Variants in RTN4RL1 observed in about 807,000 individuals in gnomAD.
RTN4RL1 encodes reticulon 4 receptor like 1.
In RTN4RL1, 7 loss-of-function variants were observed where a neutral mutation model predicts 25.6. The observed-to-expected ratio is 0.27, with a 90% confidence interval of 0.16 to 0.51. The LOEUF (loss-of-function observed/expected upper bound fraction) is 0.51. RTN4RL1 is among the 20% of genes least tolerant of loss of function. The pLI is 0.97. For missense variants in RTN4RL1, 500 were observed against 615.6 expected, an observed-to-expected ratio of 0.81 and a Z score of 1.99; for synonymous variants, 297 against 288.2, an observed-to-expected ratio of 1.03 and a Z score of -0.31.
At chr17:1,988,490 G>A (rs776109375) in intron 1 of RTN4RL1, among the ~76,000 whole-genome samples, 21 of 137,120 alleles carry the variant, frequency 1.5e-4, no homozygotes, top group Non-Finnish European at 3.3e-4. Context: ...CTGGGGGACA[G>A]AGAGAGACTC....
At position 1,936,630 on chromosome 17, in the gene RTN4RL1, G is replaced by T. The variant is rs1277827590; in HGVS notation, c.1192C>A (p.Pro398Thr). 3.1e-6 allele frequency: 5 copies of T among 1,596,240 alleles called. No individual in the cohort carries two copies. The highest frequency in any genetic ancestry group is 1.8e-5 in the Admixed American group (1 of 56,486). Residue 398 changes from proline to threonine, a missense_variant, in exon 2 of 2, where the codon CCC becomes ACC. Transcript: ENST00000331238. ...FSFDIMPTARPKRKGKCARRT... is the reference protein window; with the variant it reads ...FSFDIMPTARTKRKGKCARRT... ...CGGGCACACTTGCCCTTCCTCTTGG[G>T]CCGGGCCGTAGGCATGATGTCAAAA...
intron 1 of RTN4RL1, among the ~76,000 whole-genome samples, chr17:2,021,291 G>A (rs968845322): frequency 3.3e-5 from 5 of 151,996 alleles, no homozygotes; most frequent in African/African-American, 1.2e-4. Flanking sequence ...CCTCCTCTGG[G>A]GCTTCATACC....
chr17:2,023,945 G>T (rs2067243307), intron 1 of RTN4RL1, among the ~76,000 whole-genome samples: 2 of 152,126 alleles, frequency 1.3e-5, no homozygotes, highest in South Asian at 4.1e-4. Flanking sequence ...TCCCGGCGGG[G>T]CGCCACAGCC....
intron 1 of RTN4RL1, among the ~76,000 whole-genome samples, chr17:1,958,198 A>G (rs1160957504): frequency 6.6e-6 from 1 of 152,174 alleles, no homozygotes; most frequent in Non-Finnish European, 1.5e-5. Flanking sequence ...TCAAAAACAA[A>G]AACAAAAATA....
intron 1 of RTN4RL1, among the ~76,000 whole-genome samples, chr17:1,956,233 GAA>G (rs1915789995): frequency 6.6e-6 from 1 of 152,148 alleles, no homozygotes; most frequent in South Asian, 2.1e-4. Context: ...GGGTGCAGGC[GAA>G]TAGGTAAACA....
intron 1 of RTN4RL1, among the ~76,000 whole-genome samples, chr17:2,009,139 AGTTCTAT>A (rs1474483834): frequency 1.3e-5 from 2 of 152,166 alleles, no homozygotes; most frequent in African/African-American, 4.8e-5. Context: ...CCCAGAACTA[AGTTCTAT>A]GTTGTATGCT....
At chr17:1,976,823 C>G (rs911888264) in intron 1 of RTN4RL1, among the ~76,000 whole-genome samples, 2 of 152,192 alleles carry the variant, frequency 1.3e-5, no homozygotes, top group African/African-American at 2.4e-5. Flanking sequence ...TCGGCTGGGA[C>G]TCAACTTGTC....
At chr17:1,997,946 G>A (rs1412820621) in intron 1 of RTN4RL1, among the ~76,000 whole-genome samples, 1 of 152,202 alleles carries the variant, frequency 6.6e-6, no homozygotes, top group Non-Finnish European at 1.5e-5. Context: ...TGGGGAAAGC[G>A]TGGGCGCAGG....
At chr17:2,010,009 G>A (rs1275594748) in intron 1 of RTN4RL1, among the ~76,000 whole-genome samples, 1 of 128,760 alleles carries the variant, frequency 7.8e-6, no homozygotes, top group African/African-American at 3.0e-5. Flanking sequence ...TGTCTGCAGC[G>A]CCCTCCCTCA....
intron 1 of RTN4RL1, among the ~76,000 whole-genome samples, chr17:1,947,556 G>T (rs9892095): frequency 1.3e-5 from 2 of 152,256 alleles, no homozygotes; most frequent in East Asian, 1.9e-4. Flanking sequence ...CGCCAGGATC[G>T]CTCTCAGCTG....
chr17:1,979,503 G>T (rs2066857726), intron 1 of RTN4RL1, among the ~76,000 whole-genome samples: 1 of 102,624 alleles, frequency 9.7e-6, no homozygotes, highest in Non-Finnish European at 2.0e-5. Context: ...AGACAAAGAA[G>T]GAAAGAAAAG....
chr17:1,949,190 G>A (rs891134734), intron 1 of RTN4RL1, among the ~76,000 whole-genome samples: 2 of 151,764 alleles, frequency 1.3e-5, no homozygotes, highest in Non-Finnish European at 2.9e-5. Flanking sequence ...CTCAATCTCC[G>A]AACCTCATGA....
intron 1 of RTN4RL1, among the ~76,000 whole-genome samples, chr17:1,955,469 T>A (rs139831806): frequency 2.0e-5 from 3 of 151,688 alleles, no homozygotes; most frequent in African/African-American, 7.3e-5. Flanking sequence ...GGCGGGAGGA[T>A]CACTTGAGCC....
rs373303044 is a variant in RTN4RL1, at chr17:2,002,354, G to A, written c.13+22499C>T. Among the ~76,000 whole-genome samples the A allele has an allele frequency of 9.9e-3, 1,483 of 149,328 alleles. 21 individuals are homozygous for A. Among genetic ancestry groups the A allele is most frequent in the African/African-American group, 0.03 (1,201 of 40,366 alleles). ...GTCGCCCAGGCTGGAGTGCAGTGGC[G>A]CGATCTCGGCTCACTGCAAGCTCCG... On this transcript the variant is annotated intron_variant, in intron 1 of 1. Transcript: ENST00000331238.
At chr17:1,983,402 T>A (rs12103776) in intron 1 of RTN4RL1, among the ~76,000 whole-genome samples, 34,257 of 152,066 alleles carry the variant, frequency 0.23, 4,379 homozygotes, top group African/African-American at 0.34. Flanking sequence ...CGGGGGCCAA[T>A]TGACAGTGAT....
Position 1,935,688 on chromosome 17 carries a change from T to C in RTN4RL1, c.*808A>G. 3 of 905,128 alleles carry C rather than the reference T, an allele frequency of 3.3e-6. No homozygotes were observed. The highest frequency in any genetic ancestry group is 3.9e-6 in the Non-Finnish European group (3 of 770,730). The allele number at this position is 905,128 out of a possible 1,614,324, so 56.1% of individuals were successfully genotyped here. A position where few individuals can be genotyped will look rare whatever the true frequency, so the allele number is the denominator to read the frequency against. Reference sequence around the variant, plus strand: ...AAAGACGTACAGTTAGGTAACGGAGTGGGAGGGGGACTGTGCATTTGTGTA... The same window carrying C: ...AAAGACGTACAGTTAGGTAACGGAGCGGGAGGGGGACTGTGCATTTGTGTA... On this transcript the variant is annotated 3_prime_UTR_variant, in exon 2 of 2. Transcript: ENST00000331238.
chr17:1,935,662 A>T lies in RTN4RL1; in HGVS notation c.*834T>A. On this transcript the variant is annotated 3_prime_UTR_variant, in exon 2 of 2. Transcript: ENST00000331238. Reference sequence around the variant, plus strand: ...GTTTTCTGTATAGTTTATAAACATGAAAAGACGTACAGTTAGGTAACGGAG... The same window carrying T: ...GTTTTCTGTATAGTTTATAAACATGTAAAGACGTACAGTTAGGTAACGGAG... The T allele has an allele frequency of 2.1e-6, 2 of 975,464 alleles. No homozygotes were observed. The highest frequency in any genetic ancestry group is 4.8e-5 in the South Asian group (1 of 20,976). 60.4% of individuals were successfully genotyped at this position (975,464 alleles called of 1,614,324 possible). A position where few individuals can be genotyped will look rare whatever the true frequency, so the allele number is the denominator to read the frequency against.
intron 1 of RTN4RL1, among the ~76,000 whole-genome samples, chr17:1,944,402 G>A (rs67965856): frequency 0.068 from 10,324 of 152,030 alleles, 474 homozygotes; most frequent in Admixed American, 0.11. Flanking sequence ...TCCTCCACTC[G>A]CATATAATCC....
At chr17:1,949,376 C>T (rs570710606) in intron 1 of RTN4RL1, among the ~76,000 whole-genome samples, 2 of 152,306 alleles carry the variant, frequency 1.3e-5, no homozygotes, top group South Asian at 4.1e-4. Context: ...GGATTACAGG[C>T]GTGAGCCACA....
Sources: allele counts gnomAD v4.1 joint callset (sites outside exome capture counted in the v4.1 genomes callset), GRCh38; gene constraint gnomAD v4.1.1; transcripts MANE v1.5; gene names NCBI Gene and HGNC (gene_info 2026-07-23, HGNC 2026-07-21).